The following ADCY10 variants were observed in gnomAD, a reference collection of about 807,000 sequenced individuals.
ADCY10 encodes the protein adenylate cyclase 10.
A neutral mutation model predicts 183.3 loss-of-function variants in ADCY10; 156 were observed. That is an observed-to-expected ratio of 0.85 (90% CI 0.75 to 0.97). ADCY10 has a LOEUF of 0.97. Ranked by LOEUF, ADCY10 falls within the 50% of genes least tolerant of loss-of-function variation. The pLI is 0.00. For missense variants in ADCY10, 1,745 were observed against 1,934.3 expected, an observed-to-expected ratio of 0.90 and a Z score of 1.84; for synonymous variants, 645 against 670.0, an observed-to-expected ratio of 0.96 and a Z score of 0.58.
At chr1:167,897,011 C>T (rs1669027645) in intron 6 of ADCY10, among the ~76,000 whole-genome samples, 1 of 151,952 alleles carries the variant, frequency 6.6e-6, no homozygotes, top group African/African-American at 2.4e-5. Context: ...TCAAATAAAA[C>T]CTGGTTAAAC....
At chr1:167,906,619 C>T (rs527278000) in intron 1 of ADCY10, among the ~76,000 whole-genome samples, 1 of 119,582 alleles carries the variant, frequency 8.4e-6, no homozygotes, top group East Asian at 2.1e-4. Flanking sequence ...AATCCCATCT[C>T]TACAAAAAAA....
Position 167,829,414 on chromosome 1 carries a change from C to G in ADCY10, c.3603G>C (p.Arg1201Ser), listed in dbSNP as rs769914476. 3.1e-6 allele frequency: 5 copies of G among 1,613,968 alleles called. No individual in the cohort carries two copies. The highest frequency in any genetic ancestry group is 4.2e-6 in the Non-Finnish European group (5 of 1,179,976). The change falls in exon 26 of 33, where the codon AGG (arginine) becomes AGC (serine). Residue 1201 changes from arginine to serine, a missense_variant. Transcript: ENST00000367851. ...AQESPPPGKK[R>S]LAQLYRQTVC... ...CAGTTTGCCGGTAAAGTTGTGCCAGCCTCTTCTTCCTATTGGATAAGGTAA... is the reference window on the plus strand; with the variant it reads ...CAGTTTGCCGGTAAAGTTGTGCCAGGCTCTTCTTCCTATTGGATAAGGTAA...
chr1:167,878,769 G>A (rs1175422075), intron 11 of ADCY10, 134 bp from the exon 12 acceptor site: 2 of 895,708 alleles, frequency 2.2e-6, no homozygotes, highest in Non-Finnish European at 3.5e-6. Context: ...CAGAAGCCTA[G>A]TCTCAAGACC....
chr1:167,822,175 T>C (rs1171699660), intron 29 of ADCY10, 34 bp from the exon 30 acceptor site: 2 of 1,302,734 alleles, frequency 1.5e-6, no homozygotes, highest in Non-Finnish European at 2.2e-6. Flanking sequence ...GAGTTATTAG[T>C]AGGTGTGGGT....
chr1:167,853,329 G>GACGT (rs1056562450), intron 18 of ADCY10, among the ~76,000 whole-genome samples: 1 of 152,040 alleles, frequency 6.6e-6, no homozygotes, highest in Non-Finnish European at 1.5e-5. Flanking sequence ...AAAACCCCTA[G>GACGT]ACGTTATGTG....
intron 30 of ADCY10, chr1:167,820,164 A>G: frequency 6.5e-7 from 1 of 1,542,518 alleles, no homozygotes; most frequent in Non-Finnish European, 8.7e-7. Flanking sequence ...TGCCCCGCAG[A>G]TTCCCCGAAT....
At chr1:167,832,489 G>A (rs752158929) in intron 25 of ADCY10, among the ~76,000 whole-genome samples, 2 of 151,992 alleles carry the variant, frequency 1.3e-5, no homozygotes, top group Non-Finnish European at 2.9e-5. Flanking sequence ...TTTGACCAAC[G>A]GATACCCCCC....
chr1:167,875,246 G>A, intron 12 of ADCY10, 60 bp from the exon 13 acceptor site: 1 of 1,529,090 alleles, frequency 6.5e-7, no homozygotes, highest in East Asian at 2.2e-5. Context: ...TTGAGAGCAA[G>A]AGTGATTAGT....
At chr1:167,833,894 A>G in intron 24 of ADCY10, 76 bp downstream of exon 24, 2 of 1,152,342 alleles carry the variant, frequency 1.7e-6, no homozygotes, top group African/African-American at 1.5e-5. Context: ...TGTAGAAAGT[A>G]TAGGGATGAC....
At chr1:167,838,477 C>T (rs1185076087) in intron 21 of ADCY10, among the ~76,000 whole-genome samples, 1 of 152,178 alleles carries the variant, frequency 6.6e-6, no homozygotes, top group East Asian at 1.9e-4. Flanking sequence ...TGACCACTCT[C>T]CCTTTTCACT....
At chr1:167,834,330 C>T (rs1664028444) in intron 23 of ADCY10, 1 of 562,470 alleles carries the variant, frequency 1.8e-6, no homozygotes, top group Non-Finnish European at 3.2e-6. Context: ...CTGGAAATCT[C>T]CACCTTTCTT....
rs35398078 is a variant in ADCY10 at position 167,846,276 on chromosome 1, G to A, written c.2438-13C>T. ...ATCAGAGAGATTTCTGCAGGTAGAA[G>A]GCCACACAGTAGAAAACTAGTTATT... On this transcript the variant is annotated splice_polypyrimidine_tract_variant and intron_variant, in intron 19 of 32. Transcript: ENST00000367851. 0.11 allele frequency: 171,484 copies of A among 1,613,624 alleles called. 10,018 individuals are homozygous for A. Among genetic ancestry groups the A allele is most frequent in the Middle Eastern group, 0.12 (729 of 6,062 alleles).
intron 31 of ADCY10, among the ~76,000 whole-genome samples, chr1:167,814,938 C>T (rs1303863774): frequency 1.3e-5 from 2 of 152,042 alleles, no homozygotes; most frequent in African/African-American, 4.8e-5. Flanking sequence ...CCAGCCTGGC[C>T]AACATGGTGA....
chr1:167,823,260 A>T, intron 28 of ADCY10, 137 bp from the exon 29 acceptor site: 1 of 663,422 alleles, frequency 1.5e-6, no homozygotes, highest in Non-Finnish European at 2.7e-6. Context: ...CCCCATCTCC[A>T]CTAAAAATAC....
At chr1:167,876,827 A>C (rs147971132) in intron 12 of ADCY10, among the ~76,000 whole-genome samples, 18 of 152,308 alleles carry the variant, frequency 1.2e-4, no homozygotes, top group African/African-American at 4.3e-4. Flanking sequence ...CTGCAAACAT[A>C]AGACATAGGA....
chr1:167,896,149 A>G (rs1244834631), intron 7 of ADCY10, among the ~76,000 whole-genome samples: 1 of 152,204 alleles, frequency 6.6e-6, no homozygotes, highest in East Asian at 1.9e-4. Context: ...GCTAGGTGTC[A>G]GCGGTGCAAG....
At chr1:167,874,506 C>T (rs1667318114) in intron 13 of ADCY10, among the ~76,000 whole-genome samples, 1 of 152,120 alleles carries the variant, frequency 6.6e-6, no homozygotes, top group Admixed American at 6.5e-5. Context: ...TGAAGAACAA[C>T]TGGAACTCTC....
intron 30 of ADCY10, among the ~76,000 whole-genome samples, chr1:167,819,251 T>G (rs1662724567): frequency 7.2e-6 from 1 of 139,272 alleles, no homozygotes; most frequent in African/African-American, 3.3e-5. Flanking sequence ...AATCCGATTT[T>G]TTTTTTTTTT....
chr1:167,899,960 T>C (rs921188898), intron 5 of ADCY10, among the ~76,000 whole-genome samples: 4 of 152,216 alleles, frequency 2.6e-5, no homozygotes, highest in African/African-American at 9.6e-5. Context: ...TAATAATTCT[T>C]ATTTTGGGAG....
Sources: gnomAD v4.1 joint callset for allele counts (sites outside exome capture counted in the v4.1 genomes callset) on GRCh38, gnomAD v4.1.1 for gene constraint, MANE v1.5 for transcripts, NCBI Gene and HGNC (gene_info 2026-07-23, HGNC 2026-07-21) for gene names.